The following CELF1 variants were observed in gnomAD, a reference collection of about 807,000 sequenced individuals.
The protein encoded by CELF1 is 50 kDa nuclear polyadenylated RNA-binding protein.
In CELF1, 10 loss-of-function variants were observed where a neutral mutation model predicts 61.8. That is an observed-to-expected ratio of 0.16 (90% CI 0.10 to 0.27). The LOEUF (loss-of-function observed/expected upper bound fraction) is 0.27, where lower values mean the gene tolerates loss of function less well. Ranked by LOEUF, CELF1 falls within the 10% of genes least tolerant of loss-of-function variation. CELF1 has a pLI of 1.00. For synonymous variants in CELF1, 236 were observed against 225.1 expected (o/e 1.05, Z -0.43); for missense variants, 380 against 639.1 (o/e 0.59, Z 4.37).
chr11:47,473,005 T>TTCAG, intron 14 of CELF1, 83 bp downstream of exon 14: 1 of 1,484,220 alleles, frequency 6.7e-7, no homozygotes. Context: ...CAAACTCATA[T>TTCAG]TCAGATCTTT....
intron 1 of CELF1, among the ~76,000 whole-genome samples, chr11:47,515,937 G>C (rs1354409082): frequency 6.6e-6 from 1 of 151,522 alleles, no homozygotes; most frequent in African/African-American, 2.4e-5. Context: ...TTTTTTTTTA[G>C]ATAGAGTCTT....
intron 3 of CELF1, among the ~76,000 whole-genome samples, chr11:47,491,824 A>T (rs1433314020): frequency 6.6e-6 from 1 of 152,254 alleles, no homozygotes; most frequent in Non-Finnish European, 1.5e-5. Context: ...GGTTCAAAGT[A>T]AGCACTCAAA....
In CELF1 at chr11:47,478,957, A is replaced by G; in HGVS notation, c.769-5T>C. The G allele has an allele frequency of 1.9e-6, 3 of 1,609,262 alleles. No homozygotes were observed. The highest frequency in any genetic ancestry group is 2.2e-5 in the East Asian group (1 of 44,784). ...CTGAAGGAGCTGCAAATAAAGCTAG[A>G]CATTACACCAAAAAACAGAACAAGA... On this transcript the variant is annotated splice_region_variant and splice_polypyrimidine_tract_variant and intron_variant, in intron 9 of 14. Transcript: ENST00000687097.
intron 1 of CELF1, among the ~76,000 whole-genome samples, chr11:47,510,353 C>T (rs1277226743): frequency 6.6e-6 from 1 of 152,156 alleles, no homozygotes; most frequent in African/African-American, 2.4e-5. Context: ...GGATGACTGG[C>T]ACTGACTCAG....
At chr11:47,527,037 G>A (rs557778257) in intron 1 of CELF1, among the ~76,000 whole-genome samples, 1 of 144,970 alleles carries the variant, frequency 6.9e-6, no homozygotes, top group East Asian at 2.1e-4. Context: ...GGCGACAAGA[G>A]CAAAACTCCG....
intron 1 of CELF1, among the ~76,000 whole-genome samples, chr11:47,541,701 A>G (rs1399628681): frequency 7.5e-4 from 17 of 22,644 alleles, no homozygotes; most frequent in African/African-American, 2.4e-3. Context: ...AAAGAAAGAA[A>G]GAAAGAAAGA....
At chr11:47,476,815 A>C (rs372632659) in intron 12 of CELF1, 31 bp downstream of exon 12, 6 of 1,514,330 alleles carry the variant, frequency 4.0e-6, no homozygotes, top group African/African-American at 1.4e-5. Flanking sequence ...CACAAAGAAT[A>C]GTCTGATGAC....
At chr11:47,487,112 CAT>C (rs2087856245) in intron 5 of CELF1, 45 bp downstream of exon 5, 1 of 1,412,520 alleles carries the variant, frequency 7.1e-7, no homozygotes, top group South Asian at 1.2e-5. Context: ...GTATATCCCA[CAT>C]ATCAAAGTTA....
At chr11:47,488,792 G>C in intron 4 of CELF1, 45 bp downstream of exon 4, 1 of 1,373,948 alleles carries the variant, frequency 7.3e-7, no homozygotes, top group Non-Finnish European at 9.5e-7. Context: ...CCTGCTCTGA[G>C]AGTCAGTGGA....
Position 47,499,592 on chromosome 11 carries a change from C to T in CELF1, c.-69G>A. 2 of 1,273,562 alleles carry T rather than the reference C, an allele frequency of 1.6e-6. No homozygotes were observed. The highest frequency in any genetic ancestry group is 2.2e-6 in the Non-Finnish European group (2 of 909,838). 78.9% of individuals were successfully genotyped at this position (1,273,562 alleles called of 1,614,324 possible). ...CACTTGTCTGATCCACAAATACACA[C>T]AGCTTTAGCTTCCTGGGCCCCACAA... On this transcript the variant is annotated 5_prime_UTR_variant, in exon 3 of 15. It adds an upstream start codon to the 5' untranslated region. Coordinates refer to ENST00000687097, the MANE Select transcript of CELF1 (RefSeq NM_001376376.1).
chr11:47,553,213 TC>T, upstream of CELF1: 1 of 386,518 alleles, frequency 2.6e-6, no homozygotes. Context: ...GGGGAACGTA[TC>T]ACCGCGGCGC....
chr11:47,550,326 T>C (rs1003508078), intron 1 of CELF1, among the ~76,000 whole-genome samples: 3 of 150,758 alleles, frequency 2.0e-5, no homozygotes, highest in Non-Finnish European at 4.4e-5. Context: ...AGGTCAGGAG[T>C]TCTAGATCGG....
chr11:47,544,572 A>T (rs538859676), intron 1 of CELF1, among the ~76,000 whole-genome samples: 1 of 152,208 alleles, frequency 6.6e-6, no homozygotes, highest in African/African-American at 2.4e-5. Context: ...CAAAAAATCA[A>T]CTCTCAATTA....
chr11:47,520,562 C>T (rs775076336), intron 1 of CELF1, among the ~76,000 whole-genome samples: 23 of 152,168 alleles, frequency 1.5e-4, no homozygotes, highest in Admixed American at 3.3e-4. Context: ...AATCCCAGCA[C>T]TTTGGGAAGC....
chr11:47,502,996 T>C (rs1269841691), intron 1 of CELF1, among the ~76,000 whole-genome samples: 2 of 152,226 alleles, frequency 1.3e-5, no homozygotes, highest in Non-Finnish European at 2.9e-5. Flanking sequence ...TGTACTTTCA[T>C]GGTTTCCTCT....
chr11:47,559,563 T>C (rs2097219380), intron 2 of CELF1, among the ~76,000 whole-genome samples: 1 of 152,162 alleles, frequency 6.6e-6, no homozygotes. Flanking sequence ...TTGCCCAGGC[T>C]GATCTTAAAC....
At chr11:47,504,902 C>CAAAAAAAAAAAAAAAAA (rs374401044) in intron 1 of CELF1, among the ~76,000 whole-genome samples, 5 of 107,928 alleles carry the variant, frequency 4.6e-5, no homozygotes, top group African/African-American at 1.8e-4. Flanking sequence ...ACTCTGTCAC[C>CAAAAAAAAAAAAAAAAA]AAAAAAAAAA....
At chr11:47,479,687 T>C (rs1047264069) in intron 9 of CELF1, among the ~76,000 whole-genome samples, 13 of 152,256 alleles carry the variant, frequency 8.5e-5, no homozygotes, top group Non-Finnish European at 7.3e-5. Context: ...ACTTTGTATA[T>C]TGGCAAACCA....
In CELF1 at chr11:47,553,039, T is replaced by G. The variant is rs1226081554; in HGVS notation, c.-201A>C. On this transcript the variant is annotated 5_prime_UTR_variant, in exon 1 of 15. Coordinates refer to ENST00000687097, the MANE Select transcript of CELF1 (RefSeq NM_001376376.1). ...CGCTGCCTCAGTTGCTGCCTGCGCC[T>G]CCGCAGCCGCCGCCGCCGCCTCGCT... 4 of 398,038 alleles carry G rather than the reference T, an allele frequency of 1.0e-5. No homozygotes were observed. Among genetic ancestry groups the G allele is most frequent in the Non-Finnish European group, 1.8e-5 (4 of 227,648 alleles). 24.7% of individuals were successfully genotyped at this position (398,038 alleles called of 1,614,324 possible).
Sources: allele counts gnomAD v4.1 joint callset (sites outside exome capture counted in the v4.1 genomes callset), GRCh38; gene constraint gnomAD v4.1.1; transcripts MANE v1.5; gene names NCBI Gene and HGNC (gene_info 2026-07-23, HGNC 2026-07-21).